Variants in RIMS2 observed in about 807,000 individuals in gnomAD.
The protein encoded by RIMS2 is regulating synaptic membrane exocytosis 2.
In RIMS2, 59 loss-of-function variants were observed where a neutral mutation model predicts 174.4. The observed-to-expected ratio is 0.34, with a 90% CI of 0.27 to 0.42. RIMS2 has a LOEUF of 0.42. Ranked by LOEUF, RIMS2 falls within the 10% of genes least tolerant of loss-of-function variation. The pLI is 1.00. For synonymous variants in RIMS2, 606 were observed against 572.5 expected (o/e 1.06, Z -0.84); for missense variants, 1,620 against 1,666.3 (o/e 0.97, Z 0.48).
intron 14 of RIMS2, among the ~76,000 whole-genome samples, chr8:103,960,627 A>G (rs2089697515): frequency 6.6e-6 from 1 of 152,190 alleles, no homozygotes; most frequent in Non-Finnish European, 1.5e-5. Flanking sequence ...GATGCATATT[A>G]GAAAAAGACA....
chr8:104,119,196 A>AAG (rs1205286747), intron 19 of RIMS2, among the ~76,000 whole-genome samples: 2 of 151,722 alleles, frequency 1.3e-5, no homozygotes, highest in African/African-American at 2.4e-5. Flanking sequence ...AAACAAAAAA[A>AAG]AAAAAAATCA....
At chr8:103,768,178 C>T (rs564521946) in intron 3 of RIMS2, 5 of 363,192 alleles carry the variant, frequency 1.4e-5, no homozygotes, top group African/African-American at 8.4e-5. Context: ...AAATAGATAA[C>T]CAGTGGAGAT....
rs5893676 is a variant in RIMS2, at chr8:104,079,598, GATATATATATATATATATAT to G, written c.3334+65008_3334+65027del. On this transcript the variant is annotated intron_variant, in intron 19 of 23. Transcript: ENST00000504942. ...TCACATAACTGAAAGGATTAAGCATGATATATATATATATATATATATATATATATATATATATATATATG... is the reference window on the plus strand; with the variant it reads ...TCACATAACTGAAAGGATTAAGCATGATATATATATATATATATATATATG... 1.8e-3 allele frequency among the ~76,000 whole-genome samples: 92 copies of G among 50,994 alleles called. 2 individuals are homozygous for G. The highest frequency in any genetic ancestry group is 2.2e-3 in the Admixed American group (10 of 4,638). 33.5% of individuals were successfully genotyped at this position (50,994 alleles called of 152,430 possible).
chr8:104,050,354 G>A (rs1043649006), intron 19 of RIMS2, among the ~76,000 whole-genome samples: 2 of 151,992 alleles, frequency 1.3e-5, no homozygotes, highest in Non-Finnish European at 2.9e-5. Context: ...TCCCTAAAAC[G>A]TTAAACTTAG....
intron 16 of RIMS2, chr8:103,976,744 C>T (rs1357957401): frequency 6.6e-6 from 1 of 152,060 alleles, no homozygotes; most frequent in East Asian, 1.9e-4. Context: ...GACGGGGTTT[C>T]ACCATGTTGG....
At chr8:103,953,299 T>C (rs2086024331) in intron 14 of RIMS2, among the ~76,000 whole-genome samples, 2 of 152,002 alleles carry the variant, frequency 1.3e-5, no homozygotes, top group Admixed American at 6.5e-5. Flanking sequence ...CACATAATTG[T>C]CAGATTCACC....
chr8:103,688,732 C>T (rs2096973431), intron 1 of RIMS2, among the ~76,000 whole-genome samples: 1 of 151,918 alleles, frequency 6.6e-6, no homozygotes, highest in Non-Finnish European at 1.5e-5. Flanking sequence ...GTGGTATGAA[C>T]TTTAATGTCT....
chr8:103,793,645 C>G (rs573718089), intron 3 of RIMS2, among the ~76,000 whole-genome samples: 2 of 152,124 alleles, frequency 1.3e-5, no homozygotes, highest in African/African-American at 4.8e-5. Context: ...CAAATTGTCC[C>G]TGTTTGCAGA....
At chr8:103,636,763 C>CT (rs1463143133) in intron 1 of RIMS2, among the ~76,000 whole-genome samples, 1 of 145,760 alleles carries the variant, frequency 6.9e-6, no homozygotes, top group Non-Finnish European at 1.5e-5. Flanking sequence ...CACTCCCTTG[C>CT]TTTTTTTCTA....
chr8:103,646,115 C>T (rs748783836), intron 1 of RIMS2, among the ~76,000 whole-genome samples: 3 of 152,018 alleles, frequency 2.0e-5, no homozygotes, highest in Non-Finnish European at 4.4e-5. Flanking sequence ...AGGAATTTCA[C>T]AAGATAATGT....
intron 19 of RIMS2, among the ~76,000 whole-genome samples, chr8:104,017,604 C>A (rs910342942): frequency 4.2e-5 from 6 of 141,950 alleles, no homozygotes; most frequent in Admixed American, 4.2e-4. Context: ...TAGTAATAGA[C>A]CAAGTTTATA....
At chr8:103,955,414 G>T (rs561272829) in intron 14 of RIMS2, among the ~76,000 whole-genome samples, 1 of 152,254 alleles carries the variant, frequency 6.6e-6, no homozygotes, top group South Asian at 2.1e-4. Context: ...AATCAAGTTG[G>T]ATTCATCCCT....
intron 1 of RIMS2, among the ~76,000 whole-genome samples, chr8:103,576,628 G>A (rs774450416): frequency 6.6e-6 from 1 of 152,110 alleles, no homozygotes; most frequent in African/African-American, 2.4e-5. Context: ...ACAATCCTAA[G>A]TAAAAAGAAC....
chr8:103,576,203 G>A (rs1013676322), intron 1 of RIMS2, among the ~76,000 whole-genome samples: 25 of 152,176 alleles, frequency 1.6e-4, no homozygotes, highest in African/African-American at 5.6e-4. Context: ...GGAATGGGTG[G>A]CACTCTGAAT....
chr8:103,529,349 G>A (rs1403686801), intron 1 of RIMS2, among the ~76,000 whole-genome samples: 2 of 152,170 alleles, frequency 1.3e-5, no homozygotes, highest in African/African-American at 4.8e-5. Flanking sequence ...CCCCAGGCTT[G>A]CTGCCACCTT....
intron 19 of RIMS2, among the ~76,000 whole-genome samples, chr8:104,211,506 T>C (rs1221219454): frequency 6.6e-6 from 1 of 152,166 alleles, no homozygotes; most frequent in Non-Finnish European, 1.5e-5. Flanking sequence ...TATTTTATTT[T>C]GATTGCAGAG....
chr8:103,528,755 C>CT (rs1455461371), intron 1 of RIMS2, among the ~76,000 whole-genome samples: 1 of 152,108 alleles, frequency 6.6e-6, no homozygotes, highest in Admixed American at 6.5e-5. Context: ...GTCTATATCT[C>CT]TGTTTTGGTA....
chr8:103,621,496 G>C (rs1055635278), intron 1 of RIMS2, among the ~76,000 whole-genome samples: 3 of 152,246 alleles, frequency 2.0e-5, no homozygotes, highest in African/African-American at 4.8e-5. Flanking sequence ...CCTAATGCTT[G>C]CTTGGACCAG....
chr8:103,858,734 C>CAA (rs1218995884), intron 3 of RIMS2, among the ~76,000 whole-genome samples: 2 of 39,568 alleles, frequency 5.1e-5, no homozygotes, highest in East Asian at 5.4e-4. Flanking sequence ...CATACCTATA[C>CAA]ACACACACAC....
Sources: gnomAD v4.1 joint callset for allele counts (sites outside exome capture counted in the v4.1 genomes callset) on GRCh38, gnomAD v4.1.1 for gene constraint, MANE v1.5 for transcripts, NCBI Gene and HGNC (gene_info 2026-07-23, HGNC 2026-07-21) for gene names.